PDE10A: variants seen among roughly 807,000 people sequenced by gnomAD.
The protein encoded by PDE10A is cAMP and cAMP-inhibited cGMP 3',5'-cyclic phosphodiesterase 10A.
In PDE10A, 39 loss-of-function variants were observed where a neutral mutation model predicts 97.7. That is an observed-to-expected ratio of 0.40 (90% CI 0.31 to 0.52). PDE10A has a LOEUF of 0.52. PDE10A is among the 20% of genes least tolerant of loss of function. The pLI is 0.56. For synonymous variants in PDE10A, 371 were observed against 376.8 expected, an observed-to-expected ratio of 0.98 and a Z score of 0.18; for missense variants, 731 against 1,047.8, an observed-to-expected ratio of 0.70 and a Z score of 4.17.
rs1168115727 is a variant in PDE10A at position 165,332,077 on chromosome 6, T to C, written c.*948A>G. Reference sequence around the variant, plus strand: ...TTAAACAATGTTTAAAATAAACTTTTCATTGTGAATGAGAGTCTAAAATTC... The same window carrying C: ...TTAAACAATGTTTAAAATAAACTTTCCATTGTGAATGAGAGTCTAAAATTC... On this transcript the variant is annotated 3_prime_UTR_variant, in exon 22 of 22. Transcript: ENST00000539869. 1 of 152,200 alleles carries C rather than the reference T, an allele frequency of 6.6e-6. No individual in the cohort carries two copies. Among genetic ancestry groups the C allele is most frequent in the East Asian group, 1.9e-4 (1 of 5,198 alleles). 9.4% of individuals were successfully genotyped at this position (152,200 alleles called of 1,614,324 possible). A position where few individuals can be genotyped will look rare whatever the true frequency, so the allele number is the denominator to read the frequency against.
chr6:165,679,603 C>G (rs1790921042), intron 1 of PDE10A, among the ~76,000 whole-genome samples: 1 of 152,182 alleles, frequency 6.6e-6, no homozygotes, highest in Admixed American at 6.5e-5. Context: ...CCTCACAGTC[C>G]CCTTCAGGTC....
At chr6:165,434,052 G>A (rs1049196381) in intron 6 of PDE10A, among the ~76,000 whole-genome samples, 1 of 148,546 alleles carries the variant, frequency 6.7e-6, no homozygotes, top group Non-Finnish European at 1.5e-5. Context: ...GTAGTACAGG[G>A]AAATTGAATG....
chr6:165,616,897 A>G (rs1463355752), intron 1 of PDE10A, among the ~76,000 whole-genome samples: 1 of 152,236 alleles, frequency 6.6e-6, no homozygotes, highest in Non-Finnish European at 1.5e-5. Context: ...GGTGTATTTT[A>G]CTAAAAATAA....
chr6:165,573,963 A>T (rs992129387), intron 1 of PDE10A, among the ~76,000 whole-genome samples: 2 of 152,240 alleles, frequency 1.3e-5, no homozygotes. Flanking sequence ...ATCAGCTTAT[A>T]GTGCCTGGCA....
At chr6:165,820,664 A>G (rs568034310) in intron 1 of PDE10A, among the ~76,000 whole-genome samples, 2 of 152,216 alleles carry the variant, frequency 1.3e-5, no homozygotes, top group East Asian at 3.8e-4. Flanking sequence ...ACAAGAAACT[A>G]CCTTACCATG....
chr6:165,912,827 T>A (rs370131781), intron 1 of PDE10A, among the ~76,000 whole-genome samples: 1 of 152,206 alleles, frequency 6.6e-6, no homozygotes. Context: ...ATGTCCAGTA[T>A]AAGCAACTGT....
intron 1 of PDE10A, among the ~76,000 whole-genome samples, chr6:165,730,817 G>A (rs2128450981): frequency 1.3e-5 from 2 of 151,066 alleles, no homozygotes; most frequent in Non-Finnish European, 1.5e-5. Flanking sequence ...AGGCCGAGGT[G>A]GGTGGATCAC....
chr6:165,693,528 CAAAAAAAA>C (rs55830575), intron 1 of PDE10A, among the ~76,000 whole-genome samples: 2 of 56,734 alleles, frequency 3.5e-5, no homozygotes, highest in South Asian at 9.2e-4. Flanking sequence ...GAGGCTCCAC[CAAAAAAAA>C]AAAAAAAAAA....
At chr6:165,546,213 T>A (rs1484849799) in intron 1 of PDE10A, among the ~76,000 whole-genome samples, 1 of 151,988 alleles carries the variant, frequency 6.6e-6, no homozygotes, top group Non-Finnish European at 1.5e-5. Flanking sequence ...AGAAAAGGCA[T>A]AAGCTGCAGA....
chr6:165,916,511 T>C (rs548871939), intron 1 of PDE10A, among the ~76,000 whole-genome samples: 1 of 152,364 alleles, frequency 6.6e-6, no homozygotes, highest in South Asian at 2.1e-4. Flanking sequence ...TCAGCCCTTA[T>C]GGCTGCTGTG....
chr6:165,764,874 T>C lies in PDE10A; in HGVS notation c.-614-221306A>G, dbSNP rs577855138. Among the ~76,000 whole-genome samples, 49 of 152,322 alleles carry C rather than the reference T, an allele frequency of 3.2e-4. 1 individual carries two copies. The South Asian group carries it at 9.3e-3, about 29-fold the overall frequency. ...GGCAGCCTGCTTTTATTCTCTTATC[T>C]GGCCCCACCCACGTCCTGCTGATTG... On this transcript the variant is annotated intron_variant, in intron 1 of 19. Coordinates refer to the PDE10A transcript ENST00000366882.
At position 165,671,371 on chromosome 6, in the gene PDE10A, A is replaced by C. The variant is rs1419947041; in HGVS notation, c.-614-127803T>G. On this transcript the variant is annotated intron_variant, in intron 1 of 19. Transcript: ENST00000366882. The surrounding 1 kb of genome is among the most constrained non-coding windows in gnomAD (Gnocchi z 4.6). ...CATGAGTGATCACAGAGTGAGCATA[A>C]CCCCTGAAGAGCCCGAATTCAGCCC... Among the ~76,000 whole-genome samples, 1 of 152,054 alleles carries C rather than the reference A, an allele frequency of 6.6e-6. No individual in the cohort carries two copies. Among genetic ancestry groups the C allele is most frequent in the Non-Finnish European group, 1.5e-5 (1 of 68,016 alleles).
At chr6:165,814,675 A>T (rs79153819) in intron 1 of PDE10A, among the ~76,000 whole-genome samples, 14,077 of 152,164 alleles carry the variant, frequency 0.093, 659 homozygotes, top group Middle Eastern at 0.14. Flanking sequence ...ACATTCCTCA[A>T]TTTGGTGTTC....
At chr6:165,889,977 ATCCCTCACTCCTCACTCCTCCC>A (rs1562784371) in intron 1 of PDE10A, among the ~76,000 whole-genome samples, 5 of 9,054 alleles carry the variant, frequency 5.5e-4, no homozygotes, top group African/African-American at 2.2e-3. Flanking sequence ...TCACTCCTCC[ATCCCTCACTCCTCACTCCTCCC>A]TCCCTCACTC....
At chr6:165,781,947 G>A (rs1035928730) in intron 1 of PDE10A, 4 of 152,208 alleles carry the variant, frequency 2.6e-5, no homozygotes, top group African/African-American at 7.2e-5. Flanking sequence ...AATTTACATT[G>A]TTTTAGGTTA....
intron 1 of PDE10A, among the ~76,000 whole-genome samples, chr6:165,892,963 G>C (rs993041024): frequency 2.0e-5 from 3 of 152,142 alleles, no homozygotes; most frequent in Admixed American, 2.0e-4. Flanking sequence ...GGCACTGCAC[G>C]ACCTCCTCTT....
chr6:165,940,206 T>G (rs1054423055), intron 1 of PDE10A: 4 of 152,232 alleles, frequency 2.6e-5, no homozygotes, highest in Admixed American at 2.6e-4. Context: ...CAGCAATATG[T>G]TGTAGTGTCT....
At chr6:165,631,640 T>A (rs928173645) in intron 1 of PDE10A, among the ~76,000 whole-genome samples, 10 of 152,324 alleles carry the variant, frequency 6.6e-5, no homozygotes, top group African/African-American at 2.4e-4. Context: ...ATGGTTAAAT[T>A]TGTCATTGCA....
chr6:165,960,982 C>T (rs915573118), intron 1 of PDE10A, among the ~76,000 whole-genome samples: 6 of 152,080 alleles, frequency 3.9e-5, no homozygotes, highest in South Asian at 2.1e-4. Context: ...GAAGCGTTGC[C>T]GGGGAGTGTG....
Sources: gnomAD v4.1 joint callset for allele counts (sites outside exome capture counted in the v4.1 genomes callset) on GRCh38, gnomAD v4.1.1 for gene constraint, Gnocchi (gnomAD v3.1) non-coding constraint, MANE v1.5 for transcripts, NCBI Gene and HGNC (gene_info 2026-07-23, HGNC 2026-07-21) for gene names.